SUGCT: variants seen among roughly 807,000 people sequenced by gnomAD.
SUGCT encodes the protein succinyl-CoA:glutarate-CoA transferase.
SUGCT carries 41 observed loss-of-function variants against 55.0 expected under a neutral mutation model. That is an observed-to-expected ratio of 0.74 (90% CI 0.58 to 0.97). The LOEUF (loss-of-function observed/expected upper bound fraction) is 0.97. Among genes scored for constraint, SUGCT ranks in the 50% least tolerant of loss-of-function variants. The pLI, the probability that SUGCT is intolerant of heterozygous loss-of-function variation, is 0.00. For missense variants in SUGCT, 568 were observed against 547.8 expected, an observed-to-expected ratio of 1.04 and a Z score of -0.37; for synonymous variants, 187 against 200.4, an observed-to-expected ratio of 0.93 and a Z score of 0.56.
At chr7:40,210,812 G>A (rs1457445152) in intron 6 of SUGCT, among the ~76,000 whole-genome samples, 1 of 152,112 alleles carries the variant, frequency 6.6e-6, no homozygotes, top group South Asian at 2.1e-4. Context: ...GGGCAAAGCA[G>A]GTAGCAGATA....
At chr7:40,246,938 T>C (rs547820699) in intron 7 of SUGCT, among the ~76,000 whole-genome samples, 1 of 152,302 alleles carries the variant, frequency 6.6e-6, no homozygotes, top group East Asian at 1.9e-4. Context: ...TTTGTGTGTA[T>C]CAGTGATGTG....
intron 12 of SUGCT, among the ~76,000 whole-genome samples, chr7:40,721,174 A>C (rs557461963): frequency 1.3e-5 from 2 of 152,196 alleles, no homozygotes; most frequent in African/African-American, 4.8e-5. Context: ...ACAGTCCACT[A>C]TCTGCCTGTT....
intron 13 of SUGCT, among the ~76,000 whole-genome samples, chr7:40,807,044 C>T (rs539268201): frequency 3.9e-5 from 6 of 152,276 alleles, no homozygotes; most frequent in African/African-American, 1.2e-4. Context: ...AAGCACTTAA[C>T]ACAATGTTCA....
rs570840735 is a variant in SUGCT at position 40,653,886 on chromosome 7, A to G, written c.1090-95548A>G. Among the ~76,000 whole-genome samples the G allele has an allele frequency of 7.2e-5, 11 of 152,292 alleles. No homozygotes were observed. The South Asian group carries it at 8.3e-4, about 11-fold the overall frequency. ...TGGAAATGATTTTGTTGCCGCTAAC[A>G]GTATTGCGGACTCCTGTGTGACACA... On this transcript the variant is annotated intron_variant, in intron 12 of 13. Transcript: ENST00000335693.
At chr7:40,469,664 A>G (rs1433453577) in intron 11 of SUGCT, among the ~76,000 whole-genome samples, 1 of 152,064 alleles carries the variant, frequency 6.6e-6, no homozygotes, top group Non-Finnish European at 1.5e-5. Flanking sequence ...GTGACTGAGA[A>G]TCAAATGATG....
At chr7:40,557,369 G>A (rs778150152) in intron 12 of SUGCT, among the ~76,000 whole-genome samples, 3 of 152,174 alleles carry the variant, frequency 2.0e-5, no homozygotes, top group African/African-American at 4.8e-5. Context: ...AAATCTTCAC[G>A]ACAGTGGATT....
At chr7:40,965,933 G>A in the SUGCT span, 1 of 152,142 alleles carries the variant, frequency 6.6e-6, no homozygotes, top group Non-Finnish European at 1.5e-5. Context: ...CATTGTAATG[G>A]CCTAGTTTCA....
At chr7:40,342,447 T>C (rs1319175302) in intron 9 of SUGCT, among the ~76,000 whole-genome samples, 1 of 152,194 alleles carries the variant, frequency 6.6e-6, no homozygotes, top group Non-Finnish European at 1.5e-5. Context: ...TACACACCCC[T>C]GTTTAGTTCG....
chr7:41,006,084 A>G, the SUGCT span, among the ~76,000 whole-genome samples: 2 of 152,200 alleles, frequency 1.3e-5, no homozygotes, highest in Admixed American at 6.5e-5. Flanking sequence ...GAGATGACAT[A>G]AAAATTTTGG....
In SUGCT at chr7:40,591,261, G is replaced by A. The variant is rs1180375555; in HGVS notation, c.1089+94875G>A. On this transcript the variant is annotated intron_variant, in intron 12 of 13. Transcript: ENST00000335693. ...CAGCATGCATGGATGACTTTGAGGG[G>A]CTCAAGACCTCAGTAGAGGAAGTAA... Among the ~76,000 whole-genome samples, 4 of 152,178 alleles carry A rather than the reference G, an allele frequency of 2.6e-5. No homozygotes were observed. In the East Asian group the frequency reaches 5.8e-4, roughly 22 times the overall value.
chr7:40,781,721 GA>G (rs763573174), intron 13 of SUGCT, among the ~76,000 whole-genome samples: 3 of 152,092 alleles, frequency 2.0e-5, no homozygotes, highest in East Asian at 3.9e-4. Context: ...AAACTTACAG[GA>G]AAAAATTGGC....
rs1784543767 is a variant in SUGCT at position 40,376,369 on chromosome 7, AT to A, written c.816+59519del. On this transcript the variant is annotated intron_variant, in intron 9 of 13. Coordinates refer to ENST00000335693, the MANE Select transcript of SUGCT (RefSeq NM_001193313.2). Reference sequence around the variant, plus strand: ...CATTAATATAGTTTTTCTATTTGCAATTTTTATCTAATGTATCTTTTTTTTT... The same window carrying A: ...CATTAATATAGTTTTTCTATTTGCAATTTTATCTAATGTATCTTTTTTTTT... Among the ~76,000 whole-genome samples, 3 of 151,118 alleles carry A rather than the reference AT, an allele frequency of 2.0e-5. No homozygotes were observed. The South Asian group carries it at 6.3e-4, about 32-fold the overall frequency.
intron 12 of SUGCT, among the ~76,000 whole-genome samples, chr7:40,566,497 G>C (rs955856052): frequency 6.6e-6 from 1 of 152,114 alleles, no homozygotes; most frequent in Admixed American, 6.6e-5. Flanking sequence ...AAATGGATTT[G>C]AATTACAGAT....
chr7:40,774,903 A>G (rs1401957298), intron 13 of SUGCT, among the ~76,000 whole-genome samples: 1 of 152,186 alleles, frequency 6.6e-6, no homozygotes, highest in Non-Finnish European at 1.5e-5. Context: ...AAAAAGTTAA[A>G]TAAAATTATT....
At chr7:40,253,971 A>G (rs1191702958) in intron 7 of SUGCT, among the ~76,000 whole-genome samples, 3 of 152,280 alleles carry the variant, frequency 2.0e-5, no homozygotes, top group Non-Finnish European at 4.4e-5. Flanking sequence ...TAGTTCAACT[A>G]GAACTGGATT....
intron 11 of SUGCT, among the ~76,000 whole-genome samples, 198 bp downstream of exon 11, chr7:40,459,396 A>G (rs546298927): frequency 1.3e-5 from 2 of 152,146 alleles, no homozygotes; most frequent in South Asian, 4.2e-4. Context: ...AACACATTTT[A>G]TGTTTTGTTA....
intron 12 of SUGCT, among the ~76,000 whole-genome samples, chr7:40,563,405 A>G (rs1795949356): frequency 6.6e-6 from 1 of 152,090 alleles, no homozygotes; most frequent in East Asian, 1.9e-4. Flanking sequence ...AGGAAATGCT[A>G]AAGAAAAGTC....
At chr7:40,590,536 G>A (rs1055161378) in intron 12 of SUGCT, among the ~76,000 whole-genome samples, 2 of 152,204 alleles carry the variant, frequency 1.3e-5, no homozygotes, top group Non-Finnish European at 2.9e-5. Flanking sequence ...GCTGCAGCAA[G>A]TTATCCAGAA....
chr7:40,777,434 T>C (rs1210981156), intron 13 of SUGCT, among the ~76,000 whole-genome samples: 1 of 152,010 alleles, frequency 6.6e-6, no homozygotes, highest in Non-Finnish European at 1.5e-5. Flanking sequence ...CACATTCCTA[T>C]TTATGTTTCC....
Sources: gnomAD v4.1 joint callset for allele counts (sites outside exome capture counted in the v4.1 genomes callset) on GRCh38, gnomAD v4.1.1 for gene constraint, MANE v1.5 for transcripts, NCBI Gene and HGNC (gene_info 2026-07-23, HGNC 2026-07-21) for gene names.